The following TNFSF10 variants were observed in gnomAD, a reference collection of about 807,000 sequenced individuals.
The protein encoded by TNFSF10 is TNF superfamily member 10, also known as tumor necrosis factor ligand superfamily member 10.
In TNFSF10, 13 loss-of-function variants were observed where a neutral mutation model predicts 29.5. The ratio of observed to expected loss-of-function variants is 0.44; its 90% CI spans 0.29 to 0.70. The LOEUF is 0.70. Ranked by LOEUF, TNFSF10 falls within the 30% of genes least tolerant of loss-of-function variation. The pLI, the probability that TNFSF10 is intolerant of heterozygous loss-of-function variation, is 0.13. For synonymous variants in TNFSF10, 111 were observed against 112.8 expected, an observed-to-expected ratio of 0.98 and a Z score of 0.10; for missense variants, 345 against 330.9, an observed-to-expected ratio of 1.04 and a Z score of -0.33.
chr3:172,516,383 G>A (rs1224994648), intron 1 of TNFSF10, among the ~76,000 whole-genome samples: 1 of 152,090 alleles, frequency 6.6e-6, no homozygotes, highest in Non-Finnish European at 1.5e-5. Context: ...CAAATTGAAC[G>A]ATGATTCACT....
intron 1 of TNFSF10, among the ~76,000 whole-genome samples, chr3:172,521,518 T>C (rs1713698032): frequency 6.6e-6 from 1 of 152,124 alleles, no homozygotes; most frequent in Non-Finnish European, 1.5e-5. Context: ...CTCACTCCAG[T>C]TAGAATGGTG....
At position 172,509,281 on chromosome 3, in the gene TNFSF10, A is replaced by G; in HGVS notation, c.354T>C (p.Gly118=). Residue 118 remains glycine, a synonymous_variant, in exon 4 of 5, where the codon GGT becomes GGC. Coordinates refer to ENST00000241261, the MANE Select transcript of TNFSF10 (RefSeq NM_003810.4). ...TTATGTGAGCTGCTACTCTCTGAGG[A>G]CCTCTTTCTCTCACTAGGGGAGAAA... ...QNISPLVRER[G]PQRVAAHITG... The G allele has an allele frequency of 6.2e-7, 1 of 1,613,842 alleles. No individual in the cohort carries two copies. The highest frequency in any genetic ancestry group is 8.5e-7 in the Non-Finnish European group (1 of 1,179,874).
Position 172,514,933 on chromosome 3 carries a change from G to A in TNFSF10, c.198C>T (p.Asp66=). 2 of 1,614,128 alleles carry A rather than the reference G, an allele frequency of 1.2e-6. No homozygotes were observed. Among genetic ancestry groups the A allele is most frequent in the Non-Finnish European group, 1.7e-6 (2 of 1,180,012 alleles). The change falls in exon 2 of 5, where the codon GAC becomes GAT. Residue 66 remains aspartate, a synonymous_variant. Coordinates refer to ENST00000241261, the MANE Select transcript of TNFSF10 (RefSeq NM_003810.4). ...TGTTCATACTCTCTTCGTCATTGGG[G>A]TCCCAATAACTGTCATCTTCTTTTA... ...CFLKEDDSYW[D]PNDEESMNSP...
intron 1 of TNFSF10, among the ~76,000 whole-genome samples, 192 bp downstream of exon 1, chr3:172,523,060 CT>C (rs1713773545): frequency 2.0e-5 from 3 of 152,192 alleles, no homozygotes. Flanking sequence ...TGTAACTGCA[CT>C]TAGTTTACAC....
Position 172,514,901 on chromosome 3 carries a change from C to T in TNFSF10, c.230G>A (p.Cys77Tyr). 2 of 1,614,178 alleles carry T rather than the reference C, an allele frequency of 1.2e-6. No individual in the cohort carries two copies. The highest frequency in any genetic ancestry group is 1.7e-6 in the Non-Finnish European group (2 of 1,180,008). ...ACGGAGTTGCCACTTGACTTGCCAG[C>T]AGGGGCTGTTCATACTCTCTTCGTC... ...PNDEESMNSP[C>Y]WQVKWQLRQL... The change falls in exon 2 of 5, where the codon TGC (cysteine) becomes TAC (tyrosine). Residue 77 changes from cysteine to tyrosine, a missense_variant. Coordinates refer to ENST00000241261, the MANE Select transcript of TNFSF10 (RefSeq NM_003810.4).
intron 4 of TNFSF10, 51 bp from the exon 5 acceptor site, chr3:172,506,970 A>G: frequency 7.1e-7 from 1 of 1,399,800 alleles, no homozygotes; most frequent in Non-Finnish European, 9.3e-7. Context: ...ATTTGTAGCA[A>G]AGCAAGGAGC....
At chr3:172,517,865 T>C (rs1295273662) in intron 1 of TNFSF10, 3 of 985,310 alleles carry the variant, frequency 3.0e-6, no homozygotes, top group Non-Finnish European at 3.6e-6. Flanking sequence ...TTTCTCTTTC[T>C]AGACCTTTTT....
intron 1 of TNFSF10, among the ~76,000 whole-genome samples, chr3:172,520,402 G>C (rs1396415288): frequency 6.6e-6 from 1 of 152,184 alleles, no homozygotes; most frequent in African/African-American, 2.4e-5. Flanking sequence ...CCCAGGAATA[G>C]GCAGAATGCC....
At chr3:172,511,568 T>A in intron 3 of TNFSF10, 49 bp downstream of exon 3, 1 of 1,477,122 alleles carries the variant, frequency 6.8e-7, no homozygotes. Context: ...TCACAACCTG[T>A]CATGAAGATG....
intron 4 of TNFSF10, among the ~76,000 whole-genome samples, chr3:172,508,959 A>T (rs893847296): frequency 2.0e-5 from 3 of 152,118 alleles, no homozygotes; most frequent in African/African-American, 7.2e-5. Context: ...AAGAAGGAAA[A>T]AAAATGGGAT....
chr3:172,516,649 T>C (rs1177367777), intron 1 of TNFSF10, among the ~76,000 whole-genome samples: 1 of 152,186 alleles, frequency 6.6e-6, no homozygotes, highest in Non-Finnish European at 1.5e-5. Context: ...AACATTCCCG[T>C]AGTATATGTA....
At chr3:172,514,820 T>C in intron 2 of TNFSF10, 41 bp downstream of exon 2, 1 of 1,609,400 alleles carries the variant, frequency 6.2e-7, no homozygotes, top group Non-Finnish European at 8.5e-7. Flanking sequence ...TCTTCTGGCC[T>C]TCTCCGCCTG....
Position 172,505,796 on chromosome 3 carries a change from A to C in TNFSF10, c.*696T>G, listed in dbSNP as rs555316852. On this transcript the variant is annotated 3_prime_UTR_variant, in exon 5 of 5. Coordinates refer to ENST00000241261, the MANE Select transcript of TNFSF10 (RefSeq NM_003810.4). ...GGCTGGAGTGTAGTGGCATGATCTCACCACACTGCAACCTCTGCCTCCCGG... is the reference window on the plus strand; with the variant it reads ...GGCTGGAGTGTAGTGGCATGATCTCCCCACACTGCAACCTCTGCCTCCCGG... The C allele has an allele frequency of 6.8e-5, 10 of 146,624 alleles. No individual in the cohort carries two copies. The Admixed American group carries it at 7.1e-4, about 10-fold the overall frequency. 9.1% of individuals were successfully genotyped at this position (146,624 alleles called of 1,614,324 possible). A position where few individuals can be genotyped will look rare whatever the true frequency, so the allele number is the denominator to read the frequency against.
rs187612610 is a variant in TNFSF10, at chr3:172,514,494, C to T, written c.270+367G>A. 1.9e-3 allele frequency among the ~76,000 whole-genome samples: 291 copies of T among 152,146 alleles called. 1 individual carries two copies. The highest frequency in any genetic ancestry group is 6.6e-3 in the African/African-American group (273 of 41,496). On this transcript the variant is annotated intron_variant, in intron 2 of 4. Coordinates refer to ENST00000241261, the MANE Select transcript of TNFSF10 (RefSeq NM_003810.4). The stretch of plus-strand genomic sequence containing the variant: ...AGAATATAAAATATCATTATTTGAT[C>T]TTCTTTATCTTTTGAATGAAAAACA...
chr3:172,522,589 G>T (rs1374370568), intron 1 of TNFSF10: 1 of 444,332 alleles, frequency 2.3e-6, no homozygotes, highest in Non-Finnish European at 4.1e-6. Flanking sequence ...GTAAGCTCCA[G>T]TCCCTTTGGA....
chr3:172,519,318 G>A (rs1221328386), intron 1 of TNFSF10, among the ~76,000 whole-genome samples: 2 of 152,140 alleles, frequency 1.3e-5, no homozygotes, highest in African/African-American at 4.8e-5. Context: ...TTTTATAGTA[G>A]AATTGAAAAA....
chr3:172,514,926 C>T lies in TNFSF10; in HGVS notation c.205G>A (p.Asp69Asn), dbSNP rs1274737448. 6.2e-7 allele frequency: 1 copy of T among 1,614,178 alleles called. No homozygotes were observed. The highest frequency in any genetic ancestry group is 1.1e-5 in the South Asian group (1 of 91,082). The part of the protein sequence containing the change: ...KEDDSYWDPN[D>N]EESMNSPCWQ... The stretch of plus-strand genomic sequence containing the variant: ...CAGGGGCTGTTCATACTCTCTTCGT[C>T]ATTGGGGTCCCAATAACTGTCATCT... Residue 69 changes from aspartate to asparagine, a missense_variant, in exon 2 of 5, where the codon GAC becomes AAC. Physicochemically the swap from Asp to Asn is conservative, Grantham distance 23. Transcript: ENST00000241261.
In TNFSF10 at chr3:172,506,499, A is replaced by G; in HGVS notation, c.839T>C (p.Val280Ala). 6.2e-7 allele frequency: 1 copy of G among 1,602,260 alleles called. No homozygotes were observed. Reference sequence around the variant, plus strand: ...TTTTTCTTTCCAGGTCAGTTAGCCAACTAAAAAGGCCCCAAAAAAACTGGC... The same window carrying G: ...TTTTTCTTTCCAGGTCAGTTAGCCAGCTAAAAAGGCCCCAAAAAAACTGGC... Reference protein sequence around the residue: ...HEASFFGAFLVG With the variant: ...HEASFFGAFLAG The change falls in exon 5 of 5, where the codon GTT (valine) becomes GCT (alanine). Residue 280 changes from valine (V) to alanine (A), a missense_variant. Transcript: ENST00000241261.
intron 2 of TNFSF10, among the ~76,000 whole-genome samples, chr3:172,512,897 C>G (rs972311540): frequency 1.8e-4 from 28 of 152,268 alleles, no homozygotes; most frequent in African/African-American, 6.7e-4. Context: ...CTGATCTAAA[C>G]TTCAATTTAT....
Sources: gnomAD v4.1 joint callset for allele counts (sites outside exome capture counted in the v4.1 genomes callset) on GRCh38, gnomAD v4.1.1 for gene constraint, MANE v1.5 for transcripts, NCBI Gene and HGNC (gene_info 2026-07-23, HGNC 2026-07-21) for gene names.